Variants in PRKCH observed in about 807,000 individuals in gnomAD.
The protein encoded by PRKCH is protein kinase C eta.
A neutral mutation model predicts 82.5 loss-of-function variants in PRKCH; 28 were observed. That is an observed-to-expected ratio of 0.34 (90% CI 0.25 to 0.47). PRKCH has a LOEUF of 0.47. Among genes scored for constraint, PRKCH ranks in the 20% least tolerant of loss-of-function variants. The pLI is 1.00. For missense variants in PRKCH, 705 were observed against 881.8 expected (o/e 0.80, Z 2.54); for synonymous variants, 322 against 327.4 (o/e 0.98, Z 0.18).
At position 61,247,754 on chromosome 14, in the gene PRKCH, A is replaced by AAAAAAAAAAG. The variant is rs2044899762; in HGVS notation, c.-19+60090_-19+60091insAAAAAGAAAA. 4.7e-5 allele frequency among the ~76,000 whole-genome samples: 7 copies of AAAAAAAAAAG among 149,802 alleles called. 1 individual carries two copies. In the South Asian group the frequency reaches 1.5e-3, roughly 32 times the overall value. On this transcript the variant is annotated intron_variant, in intron 1 of 3. Transcript: ENST00000555185. Reference sequence around the variant, plus strand: ...CCATCTCAAAAAAAAAAAAAAAAAAAAAAAGAAAGAAAGAAAGGAATTGAA... The same window carrying AAAAAAAAAAG: ...CCATCTCAAAAAAAAAAAAAAAAAAAAAAAAAAAAGAAAAGAAAGAAAGAAAGGAATTGAA...
At chr14:61,263,913 G>A (rs1018768283) in intron 1 of PRKCH, among the ~76,000 whole-genome samples, 8 of 151,014 alleles carry the variant, frequency 5.3e-5, no homozygotes, top group Admixed American at 2.6e-4. Flanking sequence ...GTGTACGCAC[G>A]TGCATGTGCA....
At position 61,236,974 on chromosome 14, in the gene PRKCH, A is replaced by G. The variant is rs539030381; in HGVS notation, c.-19+49306A>G. ...CTCTTGGGGCTGCTCTATGGAGCAGACATTCATTTATTCCTTTACTTTCTT... is the reference window on the plus strand; with the variant it reads ...CTCTTGGGGCTGCTCTATGGAGCAGGCATTCATTTATTCCTTTACTTTCTT... On this transcript the variant is annotated intron_variant, in intron 1 of 3. Coordinates refer to the PRKCH transcript ENST00000555185. 2.0e-5 allele frequency among the ~76,000 whole-genome samples: 3 copies of G among 152,316 alleles called. No individual in the cohort carries two copies. The East Asian group carries it at 5.8e-4, about 29-fold the overall frequency.
intron 1 of PRKCH, among the ~76,000 whole-genome samples, chr14:61,287,173 T>G (rs2045322372): frequency 7.7e-6 from 1 of 129,176 alleles, no homozygotes; most frequent in Admixed American, 9.1e-5. Flanking sequence ...CCACTGCACT[T>G]CAGCCTGAGC....
rs1176961918 is a variant in PRKCH at position 61,285,067 on chromosome 14, T to C, written c.-19+97399T>C. Among the ~76,000 whole-genome samples, 3 of 152,228 alleles carry C rather than the reference T, an allele frequency of 2.0e-5. No homozygotes were observed. The East Asian group carries it at 5.8e-4, about 29-fold the overall frequency. ...ATTCCAAAGTATATGATAGTGACCA[T>C]CTTTTCTGCATATAACCCTTTTTAA... is the stretch of plus-strand genomic sequence containing the variant. On this transcript the variant is annotated intron_variant, in intron 1 of 3. Coordinates refer to the PRKCH transcript ENST00000555185.
intron 1 of PRKCH, among the ~76,000 whole-genome samples, chr14:61,228,858 T>A (rs1284983173): frequency 6.6e-6 from 1 of 151,942 alleles, no homozygotes; most frequent in South Asian, 2.1e-4. Context: ...CGGGGCAACA[T>A]AGTGAGATCC....
chr14:61,340,115 C>CA (rs140307952), intron 1 of PRKCH, among the ~76,000 whole-genome samples: 87,066 of 151,540 alleles, frequency 0.57, 29,287 homozygotes, highest in Non-Finnish European at 0.75. Context: ...TCTTCCCTGA[C>CA]AGCTGTCTGC....
intron 1 of PRKCH, among the ~76,000 whole-genome samples, chr14:61,369,914 A>G (rs1435627370): frequency 1.3e-5 from 2 of 152,052 alleles, no homozygotes; most frequent in Admixed American, 6.6e-5. Context: ...ATATATCTGT[A>G]TGTTTATATG....
chr14:61,195,333 G>C (rs1273108545), intron 1 of PRKCH, among the ~76,000 whole-genome samples: 1 of 150,772 alleles, frequency 6.6e-6, no homozygotes, highest in African/African-American at 2.4e-5. Flanking sequence ...CCATAATTAT[G>C]ATAAGTTTTT....
chr14:61,500,074 C>G (rs139756108), intron 10 of PRKCH, among the ~76,000 whole-genome samples: 162 of 150,576 alleles, frequency 1.1e-3, no homozygotes, highest in African/African-American at 3.7e-3. Context: ...ATTAGGCATT[C>G]TAGATACTTG....
chr14:61,428,761 A>C (rs1227617232), intron 2 of PRKCH, among the ~76,000 whole-genome samples: 1 of 152,120 alleles, frequency 6.6e-6, no homozygotes, highest in Non-Finnish European at 1.5e-5. Flanking sequence ...GAAAATGAAA[A>C]ATTTCTGTGT....
At chr14:61,410,388 C>T (rs1882202987) in intron 2 of PRKCH, among the ~76,000 whole-genome samples, 1 of 152,066 alleles carries the variant, frequency 6.6e-6, no homozygotes, top group African/African-American at 2.4e-5. Flanking sequence ...TTGGGTTAAT[C>T]TTTTTACTCT....
intron 1 of PRKCH, among the ~76,000 whole-genome samples, chr14:61,376,017 C>CA (rs61102403): frequency 0.021 from 1,301 of 62,074 alleles, 23 homozygotes; most frequent in East Asian, 0.2. Context: ...AATTCTGTCT[C>CA]AAAAAAAAAA....
intron 10 of PRKCH, among the ~76,000 whole-genome samples, chr14:61,506,124 AAG>A (rs371899820): frequency 7.9e-4 from 120 of 152,228 alleles, no homozygotes; most frequent in African/African-American, 2.7e-3. Context: ...CTCGGAGAAA[AAG>A]AGAGCAGCAT....
At chr14:61,199,768 T>C (rs1409798940) in intron 1 of PRKCH, among the ~76,000 whole-genome samples, 1 of 152,218 alleles carries the variant, frequency 6.6e-6, no homozygotes, top group East Asian at 1.9e-4. Flanking sequence ...TCTATTATTA[T>C]ATCTCCCCCT....
intron 1 of PRKCH, chr14:61,281,271 G>C: frequency 2.0e-6 from 1 of 510,986 alleles, no homozygotes; most frequent in Non-Finnish European, 3.1e-6. Context: ...CAGCTCAGGT[G>C]GGTTTTTGCC....
chr14:61,223,586 C>A (rs1188209596), intron 1 of PRKCH, among the ~76,000 whole-genome samples: 6 of 152,214 alleles, frequency 3.9e-5, no homozygotes, highest in Admixed American at 3.9e-4. Flanking sequence ...TTTCTTTTCC[C>A]ACACTCCATT....
At chr14:61,188,470 C>T (rs920679057) in intron 1 of PRKCH, among the ~76,000 whole-genome samples, 2 of 135,460 alleles carry the variant, frequency 1.5e-5, no homozygotes, top group African/African-American at 5.6e-5. Flanking sequence ...GCGGCTCGGG[C>T]AGGCGGCCTT....
At chr14:61,189,718 T>G (rs1287899712) in intron 1 of PRKCH, among the ~76,000 whole-genome samples, 1 of 152,006 alleles carries the variant, frequency 6.6e-6, no homozygotes, top group Non-Finnish European at 1.5e-5. Flanking sequence ...CTTTTTAACC[T>G]GTTGCTTTCT....
At chr14:61,531,159 C>G (rs2043040039) in intron 12 of PRKCH, among the ~76,000 whole-genome samples, 1 of 152,166 alleles carries the variant, frequency 6.6e-6, no homozygotes, top group Admixed American at 6.5e-5. Flanking sequence ...TTGAGAAAGT[C>G]TTTTCTGTGT....
Sources: gnomAD v4.1 joint callset for allele counts (sites outside exome capture counted in the v4.1 genomes callset) on GRCh38, gnomAD v4.1.1 for gene constraint, MANE v1.5 for transcripts, NCBI Gene and HGNC (gene_info 2026-07-23, HGNC 2026-07-21) for gene names.